The following AMMECR1 variants were observed in gnomAD, a reference collection of about 807,000 sequenced individuals.
AMMECR1 encodes the protein nuclear protein AMMECR1.
AMMECR1 carries 3 observed loss-of-function variants against 22.5 expected under a neutral mutation model. The observed-to-expected ratio is 0.13, with a 90% confidence interval of 0.06 to 0.35. The LOEUF is 0.35. AMMECR1 is among the 10% of genes least tolerant of loss of function. AMMECR1 has a pLI of 1.00. For synonymous variants in AMMECR1, 130 were observed against 116.7 expected (o/e 1.11, Z -0.74); for missense variants, 235 against 278.7 (o/e 0.84, Z 1.12).
At chrX:110,226,084 CTCA>C (rs1374593729) in intron 2 of AMMECR1, among the ~76,000 whole-genome samples, 14 of 112,008 alleles carry the variant, frequency 1.2e-4, no homozygotes, top group African/African-American at 4.2e-4. Flanking sequence ...CCTAAAGCTC[CTCA>C]TCAAGCTCTA....
intron 3 of AMMECR1, among the ~76,000 whole-genome samples, chrX:110,203,450 T>C (rs1280347135): frequency 1.8e-5 from 2 of 111,860 alleles, no homozygotes; most frequent in Non-Finnish European, 3.8e-5. Flanking sequence ...TATACAGAGC[T>C]AAAGATCAAA....
At chrX:110,438,534 G>A (rs2068855821) in intron 1 of AMMECR1, among the ~76,000 whole-genome samples, 1 of 111,510 alleles carries the variant, frequency 9.0e-6, no homozygotes, top group Admixed American at 9.5e-5. Flanking sequence ...CTTAGAAGGA[G>A]GAGAGCTAAG....
At chrX:110,275,624 A>G (rs2067822080) in intron 1 of AMMECR1, among the ~76,000 whole-genome samples, 1 of 110,834 alleles carries the variant, frequency 9.0e-6, no homozygotes, top group African/African-American at 3.3e-5. Context: ...TGAGGCCGGG[A>G]GTTCGAGACC....
At chrX:110,269,533 G>C (rs1335180706) in intron 1 of AMMECR1, among the ~76,000 whole-genome samples, 3 of 107,630 alleles carry the variant, frequency 2.8e-5, no homozygotes, top group East Asian at 5.9e-4. Flanking sequence ...ATATTGGGGG[G>C]GGGGATACAG....
chrX:110,319,371 G>T (rs2068070342), upstream of AMMECR1, among the ~76,000 whole-genome samples: 1 of 111,706 alleles, frequency 9.0e-6, no homozygotes, highest in South Asian at 3.7e-4. Context: ...TACATGCGTG[G>T]GATCTTGCAG....
chrX:110,437,062 T>C (rs2068843841), intron 1 of AMMECR1, among the ~76,000 whole-genome samples: 1 of 112,203 alleles, frequency 8.9e-6, no homozygotes, highest in African/African-American at 3.2e-5. Context: ...GGAAGTGATT[T>C]CACGAATCTT....
At chrX:110,396,827 G>A (rs5985466) in intron 2 of AMMECR1, among the ~76,000 whole-genome samples, 1,220 of 112,169 alleles carry the variant, frequency 0.011, 10 homozygotes, top group Middle Eastern at 0.023. Flanking sequence ...GGACAGTACC[G>A]TGTGTTTTCT....
At chrX:110,285,127 T>C (rs1184717537) in intron 1 of AMMECR1, among the ~76,000 whole-genome samples, 1 of 112,095 alleles carries the variant, frequency 8.9e-6, no homozygotes, top group Non-Finnish European at 1.9e-5. Flanking sequence ...CCTAACCTTT[T>C]CATTATTATA....
At chrX:110,390,436 C>T (rs1272219370) in intron 2 of AMMECR1, among the ~76,000 whole-genome samples, 1 of 111,939 alleles carries the variant, frequency 8.9e-6, no homozygotes, top group Non-Finnish European at 1.9e-5. Flanking sequence ...ATGACGAGAA[C>T]ATCAACACTG....
At chrX:110,394,930 C>T (rs2068518920) in intron 2 of AMMECR1, among the ~76,000 whole-genome samples, 1 of 112,893 alleles carries the variant, frequency 8.9e-6, no homozygotes, top group African/African-American at 3.2e-5. Context: ...GTGCCAGCCT[C>T]AGGCTTATAC....
chrX:110,282,853 A>G (rs1319319486), intron 1 of AMMECR1, among the ~76,000 whole-genome samples: 1 of 111,382 alleles, frequency 9.0e-6, no homozygotes, highest in Non-Finnish European at 1.9e-5. Context: ...AAGTACTATT[A>G]GGTGCTTTCA....
chrX:110,325,937 G>A, intron 2 of AMMECR1, among the ~76,000 whole-genome samples: 1 of 111,500 alleles, frequency 9.0e-6, no homozygotes, highest in Non-Finnish European at 1.9e-5. Flanking sequence ...TTCTTTAGCT[G>A]CATTCCGTAA....
rs1206183944 is a variant in AMMECR1 at position 110,317,620 on chromosome X, G to A, written c.452C>T (p.Pro151Leu). 3 of 1,193,274 alleles carry A rather than the reference G, an allele frequency of 2.5e-6. No homozygotes were observed. Among genetic ancestry groups the A allele is most frequent in the African/African-American group, 3.5e-5 (2 of 56,856 alleles). Residue 151 changes from proline (P) to leucine (L), a missense_variant, in exon 1 of 6, where the codon CCC becomes CTC. Physicochemically the swap from Pro to Leu is moderately conservative, Grantham distance 98. Around this residue, in one of 2 missense-constraint regions of AMMECR1, gnomAD observed 111 missense variants for 181.7 expected, o/e 0.61. Transcript: ENST00000262844. ...TCACTAGGGCTCGTTGGTGAATCGG[G>A]GGGTCCGGGGCTGCTGGTATCCATA... Reference protein sequence around the residue: ...HLYGYQQPRTPRFTNEPYPLF... With the variant: ...HLYGYQQPRTLRFTNEPYPLF...
At chrX:110,392,472 A>AAGGCCTTGCT (rs1381347476) in intron 2 of AMMECR1, among the ~76,000 whole-genome samples, 2 of 110,737 alleles carry the variant, frequency 1.8e-5, no homozygotes, top group Non-Finnish European at 3.8e-5. Context: ...TTGTAGAGAC[A>AAGGCCTTGCT]AGGCCTTGCT....
intron 2 of AMMECR1, among the ~76,000 whole-genome samples, chrX:110,332,411 G>T (rs756728626): frequency 1.8e-5 from 2 of 111,555 alleles, no homozygotes; most frequent in South Asian, 3.8e-4. Flanking sequence ...TAGTAGCATT[G>T]TGTGTGTTCA....
chrX:110,312,587 CTA>C (rs757436858), intron 1 of AMMECR1, among the ~76,000 whole-genome samples: 3 of 112,038 alleles, frequency 2.7e-5, no homozygotes, highest in Non-Finnish European at 3.8e-5. Context: ...TTCTTTTTAA[CTA>C]AATATACCTT....
At chrX:110,233,447 A>T (rs1315015612) in intron 2 of AMMECR1, among the ~76,000 whole-genome samples, 2 of 112,423 alleles carry the variant, frequency 1.8e-5, no homozygotes, top group African/African-American at 6.5e-5. Flanking sequence ...ATGCCAATCA[A>T]TAGAAAAAGA....
At chrX:110,307,198 A>G (rs1284204712) in intron 1 of AMMECR1, 2 of 108,334 alleles carry the variant, frequency 1.8e-5, no homozygotes, top group Non-Finnish European at 3.8e-5. Flanking sequence ...GTGAGCCGAA[A>G]TCATACCATT....
At chrX:110,231,582 C>T (rs1354098257) in intron 2 of AMMECR1, among the ~76,000 whole-genome samples, 3 of 111,467 alleles carry the variant, frequency 2.7e-5, no homozygotes, top group Admixed American at 9.5e-5. Context: ...TAAAGACCAT[C>T]GATGCTAAGA....
Sources: allele counts gnomAD v4.1 joint callset (sites outside exome capture counted in the v4.1 genomes callset), GRCh38; gene constraint gnomAD v4.1.1; regional missense constraint gnomAD v4.1.1; transcripts MANE v1.5; gene names NCBI Gene and HGNC (gene_info 2026-07-23, HGNC 2026-07-21).